The following INTS14 variants were observed in gnomAD, a reference collection of about 807,000 sequenced individuals.
INTS14 encodes integrator complex subunit 14.
In INTS14, 27 loss-of-function variants were observed where a neutral mutation model predicts 56.9. That is an observed-to-expected ratio of 0.47 (90% CI 0.35 to 0.65). The LOEUF is 0.65. INTS14 is among the 30% of genes least tolerant of loss of function. The pLI is 0.00. For missense variants in INTS14, 517 were observed against 632.2 expected (o/e 0.82, Z 1.95); for synonymous variants, 207 against 236.2 (o/e 0.88, Z 1.13).
At chr15:65,605,590 G>A (rs774777325) in intron 2 of INTS14, among the ~76,000 whole-genome samples, 2 of 152,056 alleles carry the variant, frequency 1.3e-5, no homozygotes, top group Non-Finnish European at 2.9e-5. Context: ...ACCATCCTAG[G>A]CACTTTTATG....
intron 11 of INTS14, among the ~76,000 whole-genome samples, chr15:65,581,445 G>A (rs1432167236): frequency 1.4e-5 from 2 of 146,778 alleles, no homozygotes; most frequent in Non-Finnish European, 3.0e-5. Context: ...CTACTCAGGA[G>A]GCTGAGGCAG....
rs2073357747 is a variant in INTS14, at chr15:65,599,821, G to A, written c.439C>T (p.Pro147Ser). 1.9e-6 allele frequency: 3 copies of A among 1,614,182 alleles called. No homozygotes were observed. The highest frequency in any genetic ancestry group is 1.3e-5 in the African/African-American group (1 of 75,046). ...ATGATATATAACTTAGATGGGAAAG[G>A]AAAAGGTAGTGGAAACCTGTTGCTC... is the stretch of plus-strand genomic sequence containing the variant. ...SESNRFPLPF[P>S]FPSKLYIMCM... Residue 147 changes from proline to serine, a missense_variant, in exon 4 of 12, where the codon CCT becomes TCT. By Grantham distance (74) the Pro-to-Ser change is moderately conservative (BLOSUM62 -1). Transcript: ENST00000313182.
intron 6 of INTS14, among the ~76,000 whole-genome samples, chr15:65,597,271 T>C (rs1038357455): frequency 6.6e-6 from 1 of 152,188 alleles, no homozygotes; most frequent in Non-Finnish European, 1.5e-5. Flanking sequence ...CCACAAACAA[T>C]GAGCATTCAC....
rs969348441 is a variant in INTS14, at chr15:65,602,770, C to T, written c.330+2359G>A. Among the ~76,000 whole-genome samples, 14 of 151,976 alleles carry T rather than the reference C, an allele frequency of 9.2e-5. 1 individual carries two copies. The East Asian group carries it at 1.5e-3, about 17-fold the overall frequency. On this transcript the variant is annotated intron_variant, in intron 3 of 11. Transcript: ENST00000313182. ...GCAACCTCTGCCTCCCCGGTTCAAG[C>T]GATTCTCCTGCCGCAGCCTCCTGAG...
At position 65,581,485 on chromosome 15, in the gene INTS14, T is replaced by C. The variant is rs369331065; in HGVS notation, c.1305+469A>G. ...ATCACTTGAACCTGTGAGGCAGAGGTTGCAGTGACCCAAGATTGCACCACG... is the reference window on the plus strand; with the variant it reads ...ATCACTTGAACCTGTGAGGCAGAGGCTGCAGTGACCCAAGATTGCACCACG... On this transcript the variant is annotated intron_variant, in intron 11 of 11. Coordinates refer to ENST00000313182, the MANE Select transcript of INTS14 (RefSeq NM_001394796.1). Among the ~76,000 whole-genome samples, 37 of 129,096 alleles carry C rather than the reference T, an allele frequency of 2.9e-4. 2 individuals are homozygous for C. The highest frequency in any genetic ancestry group is 1.1e-3 in the African/African-American group (36 of 32,404). 84.7% of individuals were successfully genotyped at this position (129,096 alleles called of 152,430 possible). A position where few individuals can be genotyped will look rare whatever the true frequency, so the allele number is the denominator to read the frequency against.
intron 1 of INTS14, chr15:65,610,753 A>C (rs926219781): frequency 6.5e-7 from 1 of 1,535,714 alleles, no homozygotes; most frequent in Non-Finnish European, 8.7e-7. Flanking sequence ...TTTCATCTCT[A>C]AAAGTCCAGA....
chr15:65,607,762 C>T (rs759921339), intron 1 of INTS14, among the ~76,000 whole-genome samples: 1 of 152,150 alleles, frequency 6.6e-6, no homozygotes, highest in South Asian at 2.1e-4. Flanking sequence ...TCCCACATCT[C>T]CTAACACTTA....
At chr15:65,595,267 C>G (rs2073172128) in intron 7 of INTS14, among the ~76,000 whole-genome samples, 1 of 152,142 alleles carries the variant, frequency 6.6e-6, no homozygotes, top group South Asian at 2.1e-4. Flanking sequence ...AAGGAGGACC[C>G]ACAAGGGCCT....
chr15:65,609,336 T>A lies in INTS14; in HGVS notation c.-63+1762A>T, dbSNP rs573313773. ...ATGTTTACAACTCAGGTTGTAAGCA[T>A]AGGCGTAAAAGAAGAAACTGAAAGT... On this transcript the variant is annotated intron_variant, in intron 1 of 11. Transcript: ENST00000313182. Among the ~76,000 whole-genome samples the A allele has an allele frequency of 1.4e-4, 21 of 151,804 alleles. 1 individual carries two copies. In the South Asian group the frequency reaches 4.2e-3, roughly 30 times the overall value.
In INTS14 at chr15:65,578,843, C is replaced by A. The variant is rs2072459191; in HGVS notation, c.*565G>T. ...ACCTTGAATAATAGGAATCATTTTA[C>A]ACATTAATGGTTGCTCTTTAAAAGT... On this transcript the variant is annotated 3_prime_UTR_variant, in exon 12 of 12. Transcript: ENST00000313182. 6.6e-6 allele frequency: 1 copy of A among 151,938 alleles called. No individual in the cohort carries two copies. The highest frequency in any genetic ancestry group is 1.5e-5 in the Non-Finnish European group (1 of 67,978). The allele number at this position is 151,938 out of a possible 1,614,324, so 9.4% of individuals were successfully genotyped here.
chr15:65,595,151 C>A (rs2073168066), intron 7 of INTS14, among the ~76,000 whole-genome samples: 1 of 152,196 alleles, frequency 6.6e-6, no homozygotes, highest in Non-Finnish European at 1.5e-5. Flanking sequence ...CAGCACAGTG[C>A]CACCCCTGAA....
At chr15:65,599,056 C>A (rs2073329715) in intron 4 of INTS14, 66 bp from the exon 5 acceptor site, 21 of 1,188,516 alleles carry the variant, frequency 1.8e-5, no homozygotes, top group Non-Finnish European at 2.3e-5. Context: ...CTCAGCTCAC[C>A]AAGGTCAAAG....
rs1229997884 is a variant in INTS14 at position 65,584,763 on chromosome 15, A to T, written c.1239+7T>A. The T allele has an allele frequency of 2.5e-6, 4 of 1,610,270 alleles. No homozygotes were observed. Among genetic ancestry groups the T allele is most frequent in the Non-Finnish European group, 3.4e-6 (4 of 1,178,344 alleles). ...CCAGTGGAAAGCAACATAAATGGTAATGTTACCTGCAGGCCGCTGGGTTTG... is the reference window on the plus strand; with the variant it reads ...CCAGTGGAAAGCAACATAAATGGTATTGTTACCTGCAGGCCGCTGGGTTTG... On this transcript the variant is annotated splice_region_variant and intron_variant, in intron 10 of 11. Coordinates refer to ENST00000313182, the MANE Select transcript of INTS14 (RefSeq NM_001394796.1).
chr15:65,593,903 A>C (rs1049608598), intron 7 of INTS14, among the ~76,000 whole-genome samples: 1 of 152,182 alleles, frequency 6.6e-6, no homozygotes, highest in African/African-American at 2.4e-5. Context: ...TTGGGGTTAT[A>C]AAAAAGTTCT....
chr15:65,583,056 G>A (rs1356406176), intron 10 of INTS14, among the ~76,000 whole-genome samples: 1 of 152,184 alleles, frequency 6.6e-6, no homozygotes, highest in South Asian at 2.1e-4. Flanking sequence ...TGGTAGGAAC[G>A]TGGAGAAACT....
intron 2 of INTS14, among the ~76,000 whole-genome samples, chr15:65,606,116 G>A (rs1435026356): frequency 6.6e-6 from 1 of 151,948 alleles, no homozygotes; most frequent in Non-Finnish European, 1.5e-5. Flanking sequence ...TTAGCCGGGC[G>A]AGGTGGCGGG....
intron 9 of INTS14, 96 bp downstream of exon 9, chr15:65,591,502 G>A: frequency 6.8e-7 from 1 of 1,478,942 alleles, no homozygotes; most frequent in South Asian, 1.3e-5. Context: ...TACCAGTAAG[G>A]GAGATCAATC....
Position 65,581,959 on chromosome 15 carries a change from A to C in INTS14, c.1300T>G (p.Tyr434Asp), listed in dbSNP as rs2072637099. ...TCCTCTTCTGTCTGTCTCACCTTAT[A>C]GAATGTCTGTGTTTTTTCAGGTAGT... Reference protein sequence around the residue: ...RKLPEKTQTFYKELNRLRKAA... With the variant: ...RKLPEKTQTFDKELNRLRKAA... Residue 434 changes from tyrosine (Y) to aspartate (D), a missense_variant, in exon 11 of 12, where the codon TAT (tyrosine) becomes GAT (aspartate). Tyr to Asp is a radical substitution (Grantham distance 160, BLOSUM62 -3). Coordinates refer to ENST00000313182, the MANE Select transcript of INTS14 (RefSeq NM_001394796.1). 1.2e-6 allele frequency: 2 copies of C among 1,613,436 alleles called. No homozygotes were observed. Among genetic ancestry groups the C allele is most frequent in the Non-Finnish European group, 1.7e-6 (2 of 1,179,910 alleles).
intron 9 of INTS14, chr15:65,586,400 G>T (rs1781777115): frequency 6.6e-6 from 1 of 152,186 alleles, no homozygotes; most frequent in Non-Finnish European, 1.5e-5. Flanking sequence ...ATTCAACACT[G>T]CTGTTCCTTA....
Sources: allele counts gnomAD v4.1 joint callset (sites outside exome capture counted in the v4.1 genomes callset), GRCh38; gene constraint gnomAD v4.1.1; transcripts MANE v1.5; gene names NCBI Gene and HGNC (gene_info 2026-07-23, HGNC 2026-07-21).